Variants in PCDHGA1 observed in about 807,000 individuals in gnomAD.
PCDHGA1 encodes the protein protocadherin gamma subfamily A, 1.
A neutral mutation model predicts 58.0 loss-of-function variants in PCDHGA1; 32 were observed. The ratio of observed to expected loss-of-function variants is 0.55; its 90% confidence interval spans 0.42 to 0.74. The LOEUF (loss-of-function observed/expected upper bound fraction) is 0.74, where lower values mean the gene tolerates loss of function less well. Ranked by LOEUF, PCDHGA1 falls within the 30% of genes least tolerant of loss-of-function variation. The pLI, the probability that PCDHGA1 is intolerant of heterozygous loss-of-function variation, is 0.00. For missense variants in PCDHGA1, 1,205 were observed against 1,182.3 expected, an observed-to-expected ratio of 1.02 and a Z score of -0.28; for synonymous variants, 498 against 501.1, an observed-to-expected ratio of 0.99 and a Z score of 0.08.
At chr5:141,444,138 C>CTTGTGTG (rs2098418688) in intron 1 of PCDHGA1, among the ~76,000 whole-genome samples, 1 of 122,946 alleles carries the variant, frequency 8.1e-6, no homozygotes, top group South Asian at 2.7e-4. Flanking sequence ...ATATGTGTCA[C>CTTGTGTG]TTGTGTGTAC....
At chr5:141,399,628 G>C in intron 1 of PCDHGA1, 1 of 1,613,890 alleles carries the variant, frequency 6.2e-7, no homozygotes, top group Non-Finnish European at 8.5e-7. Flanking sequence ...GGCCTCTTAC[G>C]TGTCCATGAG....
At chr5:141,343,997 G>C in intron 1 of PCDHGA1, 2 of 1,490,782 alleles carry the variant, frequency 1.3e-6, no homozygotes, top group Middle Eastern at 3.7e-4. Context: ...TAGGAAACTG[G>C]AACCGAATTC....
chr5:141,361,116 A>G, intron 1 of PCDHGA1: 1 of 1,614,026 alleles, frequency 6.2e-7, no homozygotes, highest in Non-Finnish European at 8.5e-7. Context: ...CTGGAGATCT[A>G]GCAGCCCACT....
intron 1 of PCDHGA1, chr5:141,415,281 C>T (rs1321418691): frequency 6.2e-7 from 1 of 1,614,080 alleles, no homozygotes; most frequent in African/African-American, 1.3e-5. Context: ...TAGCGGTGGC[C>T]GCGGTCTCCT....
chr5:141,492,962 C>T (rs1197532146), intron 1 of PCDHGA1, among the ~76,000 whole-genome samples: 2 of 152,258 alleles, frequency 1.3e-5, no homozygotes, highest in Non-Finnish European at 2.9e-5. Context: ...CTATCTGACA[C>T]TCTAACAAGT....
chr5:141,409,304 C>T, intron 1 of PCDHGA1: 2 of 1,613,954 alleles, frequency 1.2e-6, no homozygotes, highest in Non-Finnish European at 1.7e-6. Flanking sequence ...GGTTGTTGCC[C>T]TCTTCAAAAC....
chr5:141,414,209 A>G (rs2095719803), intron 1 of PCDHGA1: 3 of 1,612,712 alleles, frequency 1.9e-6, no homozygotes, highest in South Asian at 2.2e-5. Flanking sequence ...GAAGATGTAA[A>G]TGACAACAGT....
intron 1 of PCDHGA1, chr5:141,418,983 A>T: frequency 6.2e-7 from 1 of 1,613,900 alleles, no homozygotes; most frequent in Admixed American, 1.7e-5. Context: ...CGGGACCAAG[A>T]CTCAGGGGAA....
chr5:141,457,079 C>T (rs114054058), intron 1 of PCDHGA1, among the ~76,000 whole-genome samples: 2,973 of 152,194 alleles, frequency 0.02, 43 homozygotes, highest in African/African-American at 0.029. Flanking sequence ...AACTATTATC[C>T]CTGCTATAAG....
intron 1 of PCDHGA1, among the ~76,000 whole-genome samples, chr5:141,448,316 T>C (rs1042171540): frequency 6.6e-6 from 1 of 152,174 alleles, no homozygotes; most frequent in Non-Finnish European, 1.5e-5. Flanking sequence ...AGGAATCTTT[T>C]CTTTGAATCT....
rs1188870363 is a variant in PCDHGA1 at position 141,490,058 on chromosome 5, C to T, written c.2422-4749C>T. ...AATGCCACTGATCCAGACGAGGGCA[C>T]CAACGGCCAACTAGACTATTCTTTT... On this transcript the variant is annotated intron_variant, in intron 1 of 3. Coordinates refer to ENST00000517417, the MANE Select transcript of PCDHGA1 (RefSeq NM_018912.3). The surrounding 1 kb of genome is among the most constrained non-coding windows in gnomAD (Gnocchi z 5.4). The T allele has an allele frequency of 6.2e-7, 1 of 1,614,230 alleles. No individual in the cohort carries two copies. Among genetic ancestry groups the T allele is most frequent in the South Asian group, 1.1e-5 (1 of 91,084 alleles).
intron 1 of PCDHGA1, among the ~76,000 whole-genome samples, chr5:141,482,079 C>A (rs2099551704): frequency 8.4e-6 from 1 of 119,308 alleles, no homozygotes; most frequent in African/African-American, 3.8e-5. Context: ...GAACAAAACT[C>A]ACTCCATCTC....
At chr5:141,345,085 C>G (rs754754850) in intron 1 of PCDHGA1, 2 of 1,613,988 alleles carry the variant, frequency 1.2e-6, no homozygotes, top group Admixed American at 3.3e-5. Context: ...ACAATCACGT[C>G]TCTCACAAGC....
chr5:141,404,289 A>G (rs552765425), intron 1 of PCDHGA1: 15 of 1,614,006 alleles, frequency 9.3e-6, no homozygotes, highest in East Asian at 4.5e-5. Flanking sequence ...ACTGACATCA[A>G]TGATAATCCA....
At chr5:141,340,149 A>T (rs1167785580) in intron 1 of PCDHGA1, 1 of 1,614,186 alleles carries the variant, frequency 6.2e-7, no homozygotes, top group Admixed American at 1.7e-5. Flanking sequence ...CTTCCTTTTA[A>T]GTTAGAAAAG....
chr5:141,386,941 C>A (rs1391826060), intron 1 of PCDHGA1, among the ~76,000 whole-genome samples: 1 of 152,212 alleles, frequency 6.6e-6, no homozygotes, highest in Non-Finnish European at 1.5e-5. Context: ...AGGTAGGAAG[C>A]AGTGCTTCAG....
In PCDHGA1 at chr5:141,355,536, T is replaced by C. The variant is rs1403800891; in HGVS notation, c.2421+22431T>C. On this transcript the variant is annotated intron_variant, in intron 1 of 3. Coordinates refer to ENST00000517417, the MANE Select transcript of PCDHGA1 (RefSeq NM_018912.3). ...CAAACCTGGAGATTCTTCTAGAAGA[T>C]ACAGTGAAGATTTTGCGGGTAGAGG... 2.5e-6 allele frequency: 4 copies of C among 1,613,864 alleles called. No individual in the cohort carries two copies. In the South Asian group the frequency reaches 3.3e-5, roughly 13 times the overall value.
chr5:141,444,043 T>C (rs542828018), intron 1 of PCDHGA1, among the ~76,000 whole-genome samples: 1 of 151,820 alleles, frequency 6.6e-6, no homozygotes, highest in African/African-American at 2.4e-5. Context: ...AATCAGATAA[T>C]TTGGCATCTT....
chr5:141,419,744 G>C (rs760207269), intron 1 of PCDHGA1: 1 of 1,613,896 alleles, frequency 6.2e-7, no homozygotes, highest in Non-Finnish European at 8.5e-7. Context: ...GGTGCGCATG[G>C]TGCGTGCTTT....
Sources: allele counts gnomAD v4.1 joint callset (sites outside exome capture counted in the v4.1 genomes callset), GRCh38; gene constraint gnomAD v4.1.1; non-coding constraint Gnocchi (gnomAD v3.1); transcripts MANE v1.5; gene names NCBI Gene and HGNC (gene_info 2026-07-23, HGNC 2026-07-21).